SHISAL1: variants seen among roughly 807,000 people sequenced by gnomAD.
SHISAL1 encodes the protein protein shisa-like-1.
SHISAL1 carries 9 observed loss-of-function variants against 22.6 expected under a neutral mutation model. The ratio of observed to expected loss-of-function variants is 0.40; its 90% CI spans 0.24 to 0.70. The LOEUF (loss-of-function observed/expected upper bound fraction) is 0.70. SHISAL1 is among the 30% of genes least tolerant of loss of function. SHISAL1 has a pLI of 0.39. For missense variants in SHISAL1, 246 were observed against 270.6 expected, an observed-to-expected ratio of 0.91 and a Z score of 0.64; for synonymous variants, 119 against 115.4, an observed-to-expected ratio of 1.03 and a Z score of -0.20.
chr22:44,259,644 G>A (rs1308075210), intron 4 of SHISAL1, among the ~76,000 whole-genome samples: 2 of 152,022 alleles, frequency 1.3e-5, no homozygotes, highest in Non-Finnish European at 2.9e-5. Context: ...ATTCTCACAT[G>A]CCAAGGGGAG....
chr22:44,284,025 C>T (rs1009864689), intron 4 of SHISAL1, among the ~76,000 whole-genome samples: 8 of 152,232 alleles, frequency 5.3e-5, no homozygotes, highest in African/African-American at 1.9e-4. Flanking sequence ...GAGCCTGGCA[C>T]AAACCCCTGC....
intron 4 of SHISAL1, among the ~76,000 whole-genome samples, chr22:44,276,974 T>C (rs1385825784): frequency 3.3e-5 from 5 of 152,148 alleles, no homozygotes; most frequent in Non-Finnish European, 7.4e-5. Context: ...AACCCAGGGC[T>C]CCCCAGTTCC....
intron 4 of SHISAL1, among the ~76,000 whole-genome samples, chr22:44,252,907 A>G (rs892914865): frequency 6.6e-6 from 1 of 152,036 alleles, no homozygotes; most frequent in African/African-American, 2.4e-5. Flanking sequence ...AGGCAAGAGA[A>G]TCGCTCAAAC....
chr22:44,315,943 G>A (rs1457559256), upstream of SHISAL1, among the ~76,000 whole-genome samples: 3 of 152,120 alleles, frequency 2.0e-5, no homozygotes, highest in African/African-American at 4.8e-5. Context: ...TTCACAGTCC[G>A]GGGCAGGGAG....
At chr22:44,316,800 T>C (rs960833533), upstream of SHISAL1, among the ~76,000 whole-genome samples, 3 of 152,192 alleles carry the variant, frequency 2.0e-5, no homozygotes, top group Admixed American at 6.5e-5. Context: ...GGCTGGAGCA[T>C]GTGGCAGGTT....
At chr22:44,291,626 A>C (rs2055353043) in intron 3 of SHISAL1, among the ~76,000 whole-genome samples, 1 of 152,162 alleles carries the variant, frequency 6.6e-6, no homozygotes, top group African/African-American at 2.4e-5. Flanking sequence ...CCATGCCTGC[A>C]CATGCTAGGC....
Position 44,244,271 on chromosome 22 carries a change from T to G in SHISAL1, c.*5414A>C, listed in dbSNP as rs2147260487. On this transcript the variant is annotated 3_prime_UTR_variant, in exon 5 of 5. Coordinates refer to ENST00000381176, the MANE Select transcript of SHISAL1 (RefSeq NM_001099294.2). ...GCTGACCAATGTGGGATCCTGCACA[T>G]TTTGGAGGCTGGTTTAGGGTCATTC... is the stretch of plus-strand genomic sequence containing the variant. The G allele has an allele frequency of 6.6e-6, 1 of 152,284 alleles. No individual in the cohort carries two copies. The highest frequency in any genetic ancestry group is 2.1e-4 in the South Asian group (1 of 4,820). The allele number at this position is 152,284 out of a possible 1,614,324, so 9.4% of individuals were successfully genotyped here. A position where few individuals can be genotyped will look rare whatever the true frequency, so the allele number is the denominator to read the frequency against.
At chr22:44,257,583 TA>T (rs1229329641) in intron 4 of SHISAL1, among the ~76,000 whole-genome samples, 1 of 152,194 alleles carries the variant, frequency 6.6e-6, no homozygotes, top group Admixed American at 6.5e-5. Flanking sequence ...AAAACTGCTT[TA>T]AAAAAATAAA....
chr22:44,282,388 T>C (rs1203260624), intron 4 of SHISAL1, among the ~76,000 whole-genome samples: 1 of 152,236 alleles, frequency 6.6e-6, no homozygotes, highest in Non-Finnish European at 1.5e-5. Context: ...GACTGCCCTG[T>C]CCTGGCAGTG....
upstream of SHISAL1, among the ~76,000 whole-genome samples, chr22:44,316,256 T>C (rs2055557952): frequency 6.6e-6 from 1 of 152,130 alleles, no homozygotes; most frequent in East Asian, 1.9e-4. Flanking sequence ...TCTTACTAGC[T>C]TGGGACCTCG....
intron 4 of SHISAL1, among the ~76,000 whole-genome samples, chr22:44,264,363 G>A (rs939302794): frequency 6.6e-6 from 1 of 152,200 alleles, no homozygotes; most frequent in African/African-American, 2.4e-5. Flanking sequence ...GTTCCTTTTG[G>A]CAGCCTCTCT....
intron 1 of SHISAL1, among the ~76,000 whole-genome samples, chr22:44,308,799 C>G (rs894753897): frequency 4.1e-4 from 63 of 152,292 alleles, no homozygotes; most frequent in African/African-American, 1.5e-3. Context: ...GACCTCTGCC[C>G]CAGGGTTGGC....
chr22:44,285,383 AG>A lies in SHISAL1; in HGVS notation c.599+44del, dbSNP rs750745544. 10 of 1,593,650 alleles carry A rather than the reference AG, an allele frequency of 6.3e-6. No individual in the cohort carries two copies. The South Asian group carries it at 8.9e-5, about 14-fold the overall frequency. On this transcript the variant is annotated intron_variant, in intron 4 of 4. Coordinates refer to ENST00000381176, the MANE Select transcript of SHISAL1 (RefSeq NM_001099294.2). ...ATGGCGTATTCTCCAAGCTCTCCAA[AG>A]ACAATGACCCAAATCATTCTGGGTC...
At chr22:44,260,317 G>A (rs1439370428) in intron 4 of SHISAL1, among the ~76,000 whole-genome samples, 2 of 152,204 alleles carry the variant, frequency 1.3e-5, no homozygotes, top group East Asian at 1.9e-4. Flanking sequence ...ACTTGTGTTC[G>A]GTTACGGCCT....
At position 44,284,897 on chromosome 22, in the gene SHISAL1, G is replaced by GCCTTCCTTCCTTCCTTCCTT. The variant is rs56376829; in HGVS notation, c.599+511_599+530dup. On this transcript the variant is annotated intron_variant, in intron 4 of 4. Coordinates refer to ENST00000381176, the MANE Select transcript of SHISAL1 (RefSeq NM_001099294.2). Reference sequence around the variant, plus strand: ...TGAGATGCCACCTCTCTGCCTTCCTGCCTTCCTTCCTTCCTTCCTTCCTTC... The same window carrying GCCTTCCTTCCTTCCTTCCTT: ...TGAGATGCCACCTCTCTGCCTTCCTGCCTTCCTTCCTTCCTTCCTTCCTTCCTTCCTTCCTTCCTTCCTTC... 1.4e-3 allele frequency among the ~76,000 whole-genome samples: 191 copies of GCCTTCCTTCCTTCCTTCCTT among 134,588 alleles called. 1 individual carries two copies. Among genetic ancestry groups the GCCTTCCTTCCTTCCTTCCTT allele is most frequent in the East Asian group, 4.9e-3 (22 of 4,522 alleles). 88.3% of individuals were successfully genotyped at this position (134,588 alleles called of 152,430 possible).
At chr22:44,262,343 C>T (rs2055130855) in intron 4 of SHISAL1, among the ~76,000 whole-genome samples, 1 of 151,914 alleles carries the variant, frequency 6.6e-6, no homozygotes, top group Non-Finnish European at 1.5e-5. Flanking sequence ...AAGCCTTCAT[C>T]TGCCAGGAGA....
Position 44,249,549 on chromosome 22 carries a change from C to G in SHISAL1, c.*136G>C. 1.4e-6 allele frequency: 1 copy of G among 690,648 alleles called. No homozygotes were observed. The highest frequency in any genetic ancestry group is 2.7e-6 in the Non-Finnish European group (1 of 373,874). 42.8% of individuals were successfully genotyped at this position (690,648 alleles called of 1,614,324 possible). On this transcript the variant is annotated 3_prime_UTR_variant, in exon 5 of 5. Coordinates refer to ENST00000381176, the MANE Select transcript of SHISAL1 (RefSeq NM_001099294.2). ...AGTCCGCGGAAGGGGGCTTTGGGCA[C>G]AGGCAGCATTTCCTCCTGTGCCACC...
chr22:44,265,234 A>T (rs988373988), intron 4 of SHISAL1, among the ~76,000 whole-genome samples: 18 of 152,180 alleles, frequency 1.2e-4, no homozygotes, highest in African/African-American at 4.3e-4. Flanking sequence ...CGCTTGTAAC[A>T]AATGGGTAGA....
At chr22:44,313,957 C>A (rs956702389), upstream of SHISAL1, among the ~76,000 whole-genome samples, 3 of 152,154 alleles carry the variant, frequency 2.0e-5, no homozygotes, top group African/African-American at 7.2e-5. Flanking sequence ...GCGATGGGTG[C>A]CACGATGGGA....
Sources: gnomAD v4.1 joint callset for allele counts (sites outside exome capture counted in the v4.1 genomes callset) on GRCh38, gnomAD v4.1.1 for gene constraint, MANE v1.5 for transcripts, NCBI Gene and HGNC (gene_info 2026-07-23, HGNC 2026-07-21) for gene names.